Variants in PCDH15 observed in about 807,000 individuals in gnomAD.
The protein encoded by PCDH15 is protocadherin related 15, also known as protocadherin-15.
Under a neutral mutation model 178.5 loss-of-function variants are expected in PCDH15, and 129 were observed. The ratio of observed to expected loss-of-function variants is 0.72; its 90% CI spans 0.63 to 0.84. The LOEUF is 0.84. Ranked by LOEUF, PCDH15 falls within the 40% of genes least tolerant of loss-of-function variation. The probability of loss-of-function intolerance (pLI) is 0.00; values close to 1 mark genes in which losing one functional copy is unlikely to be tolerated. For missense variants in PCDH15, 2,230 were observed against 2,099.9 expected, an observed-to-expected ratio of 1.06 and a Z score of -1.21; for synonymous variants, 800 against 732.0, an observed-to-expected ratio of 1.09 and a Z score of -1.50.
At chr10:54,378,614 T>A (rs1948786969) in intron 4 of PCDH15, among the ~76,000 whole-genome samples, 168 bp downstream of exon 4, 1 of 152,158 alleles carries the variant, frequency 6.6e-6, no homozygotes, top group African/African-American at 2.4e-5. Context: ...GACACAGATG[T>A]TCCCTTCCTT....
rs182889225 is a variant in PCDH15 at position 53,987,720 on chromosome 10, T to A, written c.2868+7929A>T. Among the ~76,000 whole-genome samples the A allele has an allele frequency of 8.3e-3, 1,262 of 152,128 alleles. 8 individuals are homozygous for A. The highest frequency in any genetic ancestry group is 0.013 in the Admixed American group (204 of 15,262). ...ATTTACCATGAAGGCCGCCCATGGG[T>A]TCCTAATCAACAGAACTATGGTCCT... On this transcript the variant is annotated intron_variant, in intron 21 of 37. Coordinates refer to ENST00000644397, the MANE Select transcript of PCDH15 (RefSeq NM_001384140.1).
At chr10:55,147,958 C>T (rs533363419) in intron 2 of PCDH15, among the ~76,000 whole-genome samples, 1 of 151,856 alleles carries the variant, frequency 6.6e-6, no homozygotes, top group Admixed American at 6.6e-5. Context: ...GTAATTACTG[C>T]TTTCTAAAAT....
chr10:55,501,787 G>C (rs770813076), intron 2 of PCDH15, among the ~76,000 whole-genome samples: 23 of 151,564 alleles, frequency 1.5e-4, no homozygotes, highest in Non-Finnish European at 1.3e-4. Flanking sequence ...CCTGTGAATT[G>C]CATGGTGAAA....
intron 2 of PCDH15, among the ~76,000 whole-genome samples, chr10:55,352,309 G>T (rs1392635678): frequency 6.6e-6 from 1 of 152,106 alleles, no homozygotes; most frequent in Non-Finnish European, 1.5e-5. Context: ...AAATTTGAGT[G>T]ATTTTCTTAT....
intron 3 of PCDH15, among the ~76,000 whole-genome samples, chr10:54,488,049 C>G (rs963876019): frequency 6.6e-6 from 1 of 151,610 alleles, no homozygotes; most frequent in South Asian, 2.1e-4. Flanking sequence ...TAGAAGAGAA[C>G]AGCAAAAGAT....
chr10:55,135,574 C>CTTTTTTTT lies in PCDH15; in HGVS notation c.-80+30994_-80+31001dup, dbSNP rs56956557. 1.1e-3 allele frequency among the ~76,000 whole-genome samples: 77 copies of CTTTTTTTT among 68,234 alleles called. 2 individuals are homozygous for CTTTTTTTT. Among genetic ancestry groups the CTTTTTTTT allele is most frequent in the African/African-American group, 2.9e-3 (53 of 17,994 alleles). The allele number at this position is 68,234 out of a possible 152,430, so 44.8% of individuals were successfully genotyped here. On this transcript the variant is annotated intron_variant, in intron 2 of 5. Coordinates refer to the PCDH15 transcript ENST00000458638. ...AGTTATAAAGCTTTTTCTTTTCTTT[C>CTTTTTTTT]TTTTTTTTTTTTTTTTTTTTTTTTT...
chr10:54,786,625 G>A (rs981342276), intron 1 of PCDH15, among the ~76,000 whole-genome samples: 1 of 151,932 alleles, frequency 6.6e-6, no homozygotes, highest in African/African-American at 2.4e-5. Context: ...ATAGTCATAA[G>A]AAAGATACGT....
At chr10:55,514,565 T>C (rs1218698709) in intron 2 of PCDH15, among the ~76,000 whole-genome samples, 1 of 152,164 alleles carries the variant, frequency 6.6e-6, no homozygotes, top group East Asian at 1.9e-4. Flanking sequence ...CGTGTAAAAA[T>C]ATGATTAGAC....
At chr10:54,646,993 A>T (rs770022016) in intron 2 of PCDH15, among the ~76,000 whole-genome samples, 14 of 152,110 alleles carry the variant, frequency 9.2e-5, no homozygotes, top group Non-Finnish European at 1.8e-4. Flanking sequence ...CTAGGTATTC[A>T]TCCAAAATAA....
At chr10:55,208,480 C>T (rs1183437915) in intron 1 of PCDH15, among the ~76,000 whole-genome samples, 1 of 152,012 alleles carries the variant, frequency 6.6e-6, no homozygotes, top group East Asian at 1.9e-4. Flanking sequence ...TTTCAATAAC[C>T]TTCTATGTCT....
chr10:54,867,155 C>A (rs1953956972), intron 3 of PCDH15, among the ~76,000 whole-genome samples: 1 of 152,114 alleles, frequency 6.6e-6, no homozygotes, highest in Admixed American at 6.6e-5. Flanking sequence ...GAATATCAGG[C>A]AGCTAATTTT....
chr10:55,369,833 A>G (rs1175942763), intron 2 of PCDH15, among the ~76,000 whole-genome samples: 1 of 152,038 alleles, frequency 6.6e-6, no homozygotes, highest in Non-Finnish European at 1.5e-5. Context: ...AAAAAAGAAT[A>G]TTAATACTTC....
chr10:54,583,232 A>T (rs2133821487), intron 2 of PCDH15, among the ~76,000 whole-genome samples: 1 of 152,238 alleles, frequency 6.6e-6, no homozygotes, highest in Non-Finnish European at 1.5e-5. Context: ...CTCATATGAA[A>T]TATTTTATCC....
chr10:54,393,313 G>A (rs1950781183), intron 3 of PCDH15, among the ~76,000 whole-genome samples: 1 of 152,148 alleles, frequency 6.6e-6, no homozygotes, highest in African/African-American at 2.4e-5. Flanking sequence ...CTGAACTACT[G>A]CACTTGTGGC....
chr10:55,593,328 A>T (rs1434993113), intron 2 of PCDH15, among the ~76,000 whole-genome samples: 1 of 152,002 alleles, frequency 6.6e-6, no homozygotes, highest in East Asian at 1.9e-4. Context: ...GTTTGCTGAG[A>T]TTATAGGTGT....
chr10:54,247,369 A>C (rs939413438), intron 8 of PCDH15, among the ~76,000 whole-genome samples: 3 of 152,042 alleles, frequency 2.0e-5, no homozygotes, highest in Non-Finnish European at 4.4e-5. Flanking sequence ...CAGACAGTAC[A>C]TATGGCACAC....
In PCDH15 at chr10:53,806,384, A is replaced by AT; in HGVS notation, c.*194dup. 4 of 539,484 alleles carry AT rather than the reference A, an allele frequency of 7.4e-6. No homozygotes were observed. In the South Asian group the frequency reaches 9.4e-5, roughly 13 times the overall value. The allele number at this position is 539,484 out of a possible 1,614,324, so 33.4% of individuals were successfully genotyped here. A position where few individuals can be genotyped will look rare whatever the true frequency, so the allele number is the denominator to read the frequency against. ...ATTTAGTGAAAGTATGTCCAAAAGG[A>AT]TTTTCTGGGAAAAACGATTAATTGA... On this transcript the variant is annotated 3_prime_UTR_variant, in exon 38 of 38. Transcript: ENST00000644397.
At chr10:54,956,926 G>A (rs1037274272) in intron 2 of PCDH15, among the ~76,000 whole-genome samples, 1 of 151,586 alleles carries the variant, frequency 6.6e-6, no homozygotes, top group South Asian at 2.1e-4. Flanking sequence ...ACAGTGAATG[G>A]TGGAACCAGG....
intron 2 of PCDH15, among the ~76,000 whole-genome samples, chr10:54,593,265 C>G (rs1337123636): frequency 6.6e-6 from 1 of 151,998 alleles, no homozygotes; most frequent in Admixed American, 6.5e-5. Flanking sequence ...TGACAAGAAT[C>G]TTTTTCCTGA....
Sources: allele counts gnomAD v4.1 joint callset (sites outside exome capture counted in the v4.1 genomes callset), GRCh38; gene constraint gnomAD v4.1.1; transcripts MANE v1.5; gene names NCBI Gene and HGNC (gene_info 2026-07-23, HGNC 2026-07-21).